Variants in CDH9 observed in about 807,000 individuals in gnomAD.
The protein encoded by CDH9 is cadherin-9.
CDH9 carries 28 observed loss-of-function variants against 70.9 expected under a neutral mutation model. That is an observed-to-expected ratio of 0.40 (90% confidence interval 0.29 to 0.54). The LOEUF (loss-of-function observed/expected upper bound fraction) is 0.54, where lower values mean the gene tolerates loss of function less well. Among genes scored for constraint, CDH9 ranks in the 20% least tolerant of loss-of-function variants. The pLI, the probability that CDH9 is intolerant of heterozygous loss-of-function variation, is 0.59. For synonymous variants in CDH9, 409 were observed against 343.1 expected (o/e 1.19, Z -2.12); for missense variants, 874 against 984.4 (o/e 0.89, Z 1.50).
intron 2 of CDH9, among the ~76,000 whole-genome samples, chr5:26,921,217 G>A (rs1180237145): frequency 2.0e-5 from 3 of 151,852 alleles, no homozygotes; most frequent in Non-Finnish European, 2.9e-5. Context: ...CAGAGAAGAT[G>A]GGAAGTACCT....
intron 2 of CDH9, among the ~76,000 whole-genome samples, chr5:26,982,033 T>C (rs2112085137): frequency 6.6e-6 from 1 of 152,258 alleles, no homozygotes. Context: ...ATGTCACTTC[T>C]GTCACTTGTT....
rs1740640763 is a variant in CDH9 at position 26,890,508 on chromosome 5, T to C, written c.1310A>G (p.Asn437Ser). ...GGCTTTCAAAGTGAAAATAGAACCA[T>C]TTTCTGAGTGAATACCAAAAATACG... ...MDRIFGIHSENGSIFTLKALD... is the reference protein window; with the variant it reads ...MDRIFGIHSESGSIFTLKALD... The change falls in exon 8 of 12, where the codon AAT becomes AGT. Residue 437 changes from asparagine to serine, a missense_variant. Physicochemically the swap from Asn to Ser is conservative, Grantham distance 46 (BLOSUM62 1). Coordinates refer to ENST00000231021, the MANE Select transcript of CDH9 (RefSeq NM_016279.4). 1 of 1,609,206 alleles carries C rather than the reference T, an allele frequency of 6.2e-7. No homozygotes were observed. Among genetic ancestry groups the C allele is most frequent in the Admixed American group, 1.7e-5 (1 of 59,976 alleles).
intron 2 of CDH9, among the ~76,000 whole-genome samples, chr5:26,936,812 C>T (rs1398109679): frequency 6.6e-6 from 1 of 151,774 alleles, no homozygotes; most frequent in Non-Finnish European, 1.5e-5. Flanking sequence ...GGACACTGGG[C>T]ATCTGCATTG....
At chr5:26,933,585 C>T (rs527861552) in intron 2 of CDH9, among the ~76,000 whole-genome samples, 8 of 151,796 alleles carry the variant, frequency 5.3e-5, no homozygotes, top group Non-Finnish European at 1.2e-4. Flanking sequence ...ACCATCCAGG[C>T]CAACATGGTG....
chr5:27,009,214 G>T (rs1410709846), intron 1 of CDH9, among the ~76,000 whole-genome samples: 1 of 152,134 alleles, frequency 6.6e-6, no homozygotes, highest in Non-Finnish European at 1.5e-5. Flanking sequence ...TTGTGTTTGG[G>T]TTGGAGGATC....
chr5:26,963,409 A>T (rs1159987406), intron 2 of CDH9, among the ~76,000 whole-genome samples: 2 of 152,196 alleles, frequency 1.3e-5, no homozygotes, highest in African/African-American at 4.8e-5. Flanking sequence ...AGAGTTAATT[A>T]TAAAGGTATC....
At chr5:26,978,217 C>A (rs1742337645) in intron 2 of CDH9, among the ~76,000 whole-genome samples, 1 of 151,422 alleles carries the variant, frequency 6.6e-6, no homozygotes, top group South Asian at 2.1e-4. Flanking sequence ...TTAAAGAAGA[C>A]CCTGATATTG....
At chr5:26,976,599 G>C (rs1049893052) in intron 2 of CDH9, among the ~76,000 whole-genome samples, 1 of 151,944 alleles carries the variant, frequency 6.6e-6, no homozygotes, top group African/African-American at 2.4e-5. Context: ...CACCACACCA[G>C]GCTAATTTTG....
At chr5:26,887,525 T>A (rs980026500) in intron 9 of CDH9, among the ~76,000 whole-genome samples, 1 of 151,462 alleles carries the variant, frequency 6.6e-6, no homozygotes, top group Non-Finnish European at 1.5e-5. Flanking sequence ...ATATAATATA[T>A]CAATAACACA....
chr5:27,021,343 C>T (rs1282292777), intron 1 of CDH9, among the ~76,000 whole-genome samples: 1 of 151,472 alleles, frequency 6.6e-6, no homozygotes, highest in Non-Finnish European at 1.5e-5. Context: ...ATTGTATATT[C>T]CCCCAGAAGA....
At chr5:27,011,995 C>G (rs1223733324) in intron 1 of CDH9, among the ~76,000 whole-genome samples, 1 of 151,978 alleles carries the variant, frequency 6.6e-6, no homozygotes, top group Non-Finnish European at 1.5e-5. Flanking sequence ...ATCACTCTCT[C>G]TTTTCTACAC....
At chr5:26,999,822 T>C (rs902424549) in intron 1 of CDH9, among the ~76,000 whole-genome samples, 1 of 152,148 alleles carries the variant, frequency 6.6e-6, no homozygotes, top group Non-Finnish European at 1.5e-5. Context: ...CAAAAGGACT[T>C]TGTCTTCCCA....
chr5:26,907,031 T>G (rs1740961330), intron 3 of CDH9, among the ~76,000 whole-genome samples, 193 bp from the exon 4 acceptor site: 1 of 152,184 alleles, frequency 6.6e-6, no homozygotes, highest in Admixed American at 6.6e-5. Context: ...TTTCTTAATT[T>G]TTTTGTTTAT....
intron 2 of CDH9, among the ~76,000 whole-genome samples, chr5:26,955,254 A>G (rs1008733820): frequency 6.6e-6 from 1 of 152,190 alleles, no homozygotes; most frequent in Non-Finnish European, 1.5e-5. Flanking sequence ...TGTAGCAATC[A>G]TGAGAATCCC....
intron 2 of CDH9, among the ~76,000 whole-genome samples, chr5:26,983,367 A>C (rs1388972636): frequency 6.6e-6 from 1 of 152,208 alleles, no homozygotes. Context: ...GGGATTATTC[A>C]AGAGATATTG....
intron 2 of CDH9, among the ~76,000 whole-genome samples, chr5:26,939,425 C>T (rs1033904125): frequency 6.6e-6 from 1 of 150,888 alleles, no homozygotes; most frequent in Admixed American, 6.6e-5. Flanking sequence ...AACTGGTTAC[C>T]AAAAGTTTAG....
Position 26,915,935 on chromosome 5 carries a change from G to A in CDH9, c.229-11C>T. The A allele has an allele frequency of 6.4e-7, 1 of 1,564,292 alleles. No homozygotes were observed. On this transcript the variant is annotated splice_polypyrimidine_tract_variant and intron_variant, in intron 2 of 11. Transcript: ENST00000231021. The stretch of plus-strand genomic sequence containing the variant: ...TTGGTCAGTGTGAAGCTTTAGAGAG[G>A]TAGAAAAGAAGAGTTCTGTAAATAT...
At chr5:26,884,613 G>A (rs572618630) in intron 11 of CDH9, among the ~76,000 whole-genome samples, 1 of 152,232 alleles carries the variant, frequency 6.6e-6, no homozygotes, top group South Asian at 2.1e-4. Flanking sequence ...TCTTAACTGA[G>A]ACAAATGTTT....
chr5:26,939,585 T>A (rs770870805), intron 2 of CDH9, among the ~76,000 whole-genome samples: 1 of 151,988 alleles, frequency 6.6e-6, no homozygotes. Flanking sequence ...TCCTAATCGA[T>A]GTGTGAATTT....
Sources: allele counts gnomAD v4.1 joint callset (sites outside exome capture counted in the v4.1 genomes callset), GRCh38; gene constraint gnomAD v4.1.1; transcripts MANE v1.5; gene names NCBI Gene and HGNC (gene_info 2026-07-23, HGNC 2026-07-21).